ARL15: variants seen among roughly 807,000 people sequenced by gnomAD.
ARL15 encodes ADP-ribosylation factor-like protein 15.
ARL15 carries 19 observed loss-of-function variants against 25.2 expected under a neutral mutation model. That is an observed-to-expected ratio of 0.75 (90% CI 0.53 to 1.10). The LOEUF is 1.10. Among genes scored for constraint, ARL15 ranks in the 50% least tolerant of loss-of-function variants. ARL15 has a pLI of 0.00. For synonymous variants in ARL15, 94 were observed against 86.8 expected (o/e 1.08, Z -0.46); for missense variants, 220 against 246.0 (o/e 0.89, Z 0.71).
At chr5:53,887,521 G>A (rs1412552182) in intron 4 of ARL15, 1 of 590,612 alleles carries the variant, frequency 1.7e-6, no homozygotes, top group African/African-American at 1.9e-5. Flanking sequence ...TCCTGGCTGT[G>A]AATAAATAGC....
intron 4 of ARL15, among the ~76,000 whole-genome samples, chr5:54,021,573 C>A (rs568914519): frequency 1.3e-5 from 2 of 152,038 alleles, no homozygotes; most frequent in Non-Finnish European, 1.5e-5. Flanking sequence ...AGAAATTACT[C>A]AATCTGAACA....
intron 4 of ARL15, among the ~76,000 whole-genome samples, chr5:54,101,253 T>C (rs1752429673): frequency 1.3e-5 from 2 of 152,074 alleles, no homozygotes; most frequent in South Asian, 4.1e-4. Flanking sequence ...ATAACATATA[T>C]TTTTCAGTTC....
chr5:54,077,959 G>T (rs1437975238), intron 4 of ARL15, among the ~76,000 whole-genome samples: 4 of 152,160 alleles, frequency 2.6e-5, no homozygotes, highest in Non-Finnish European at 5.9e-5. Flanking sequence ...GGAAAGATGT[G>T]TGATGACAAT....
chr5:54,203,050 A>G (rs1459678162), intron 1 of ARL15, among the ~76,000 whole-genome samples: 1 of 152,132 alleles, frequency 6.6e-6, no homozygotes, highest in African/African-American at 2.4e-5. Context: ...ATGTACTTAT[A>G]TAAAGCTCCC....
chr5:54,030,202 G>C (rs892692034), intron 4 of ARL15, among the ~76,000 whole-genome samples: 10 of 152,028 alleles, frequency 6.6e-5, no homozygotes, highest in Admixed American at 5.9e-4. Context: ...AGTGAGTCAG[G>C]ATATAAGTGG....
chr5:54,103,538 C>T (rs1037591168), intron 4 of ARL15, among the ~76,000 whole-genome samples: 11 of 151,908 alleles, frequency 7.2e-5, no homozygotes, highest in African/African-American at 2.7e-4. Flanking sequence ...ACTGTAGATA[C>T]CAATAAACAA....
At chr5:54,071,979 G>GAAAAAAAAAAAAAAAAAAAA (rs71989027) in intron 4 of ARL15, among the ~76,000 whole-genome samples, 9 of 126,172 alleles carry the variant, frequency 7.1e-5, no homozygotes, top group Middle Eastern at 4.2e-3. Context: ...CTCAAAAAAA[G>GAAAAAAAAAAAAAAAAAAAA]AAAAAAAAAA....
At chr5:53,977,143 G>C (rs547825323) in intron 4 of ARL15, among the ~76,000 whole-genome samples, 189 of 152,178 alleles carry the variant, frequency 1.2e-3, no homozygotes, top group African/African-American at 4.2e-3. Flanking sequence ...CGGATCACAA[G>C]GTCAGGAGAT....
chr5:53,951,639 T>C (rs1450826317), intron 4 of ARL15: 1 of 428,538 alleles, frequency 2.3e-6, no homozygotes, highest in Non-Finnish European at 4.7e-6. Context: ...TATATACTCC[T>C]TCCCTATATA....
rs10044530 is a variant in ARL15 at position 54,043,396 on chromosome 5, T to C, written c.462+69806A>G. ...ATGGTAGTCACTGGTTTTCAACCTG[T>C]AATCTTTGACATTCTAGGATTCTGC... is the stretch of plus-strand genomic sequence containing the variant. On this transcript the variant is annotated intron_variant, in intron 4 of 4. Transcript: ENST00000504924. Among the ~76,000 whole-genome samples the C allele has an allele frequency of 8.3e-3, 1,267 of 152,312 alleles. 24 individuals are homozygous for C. Among genetic ancestry groups the C allele is most frequent in the African/African-American group, 0.029 (1,211 of 41,558 alleles).
chr5:54,230,054 G>C (rs1007861775), intron 1 of ARL15, among the ~76,000 whole-genome samples: 2 of 152,012 alleles, frequency 1.3e-5, no homozygotes, highest in African/African-American at 4.8e-5. Flanking sequence ...ACTCTACATT[G>C]CCCAAAAAAC....
chr5:54,286,252 T>C (rs1758177901), intron 1 of ARL15: 1 of 152,160 alleles, frequency 6.6e-6, no homozygotes, highest in African/African-American at 2.4e-5. Flanking sequence ...AAGAGAAACA[T>C]TTGCAATCTA....
Position 54,310,540 on chromosome 5 carries a change from C to G in ARL15, c.-61G>C. ...CGGAAAAAAAAAGCAGCGTCTCTGG[C>G]TGCGAGCGAGCAGCTCCTGAAAAAG... On this transcript the variant is annotated 5_prime_UTR_variant, in exon 1 of 5. Coordinates refer to ENST00000504924, the MANE Select transcript of ARL15 (RefSeq NM_019087.3). 6.5e-7 allele frequency: 1 copy of G among 1,541,718 alleles called. No homozygotes were observed. The highest frequency in any genetic ancestry group is 8.8e-7 in the Non-Finnish European group (1 of 1,140,240).
At chr5:53,898,751 C>T (rs747676563) in intron 4 of ARL15, among the ~76,000 whole-genome samples, 1 of 151,826 alleles carries the variant, frequency 6.6e-6, no homozygotes, top group Non-Finnish European at 1.5e-5. Context: ...GCTCAGGTAG[C>T]CTGGAACCTT....
chr5:54,256,980 C>T (rs550656194), intron 1 of ARL15, among the ~76,000 whole-genome samples: 1 of 152,302 alleles, frequency 6.6e-6, no homozygotes, highest in African/African-American at 2.4e-5. Context: ...CCACAGCCAA[C>T]ATCATACTGA....
Position 53,886,679 on chromosome 5 carries a change from C to T in ARL15, c.497G>A (p.Arg166His), listed in dbSNP as rs369214411. ...KKYFELEPLA[R>H]GKRWILQPCS... is the part of the protein sequence containing the mutation. ...GGGCTGTAGAATCCAGCGTTTTCCA[C>T]GTGCAAGTGGTTCAAGTTCAAAATA... is the stretch of plus-strand genomic sequence containing the variant. Residue 166 changes from arginine (R) to histidine (H), a missense_variant, in exon 5 of 5, where the codon CGT (arginine) becomes CAT (histidine). Physicochemically the swap from Arg to His is conservative, Grantham distance 29. Transcript: ENST00000504924. 19 of 1,571,418 alleles carry T rather than the reference C, an allele frequency of 1.2e-5. No individual in the cohort carries two copies. Among genetic ancestry groups the T allele is most frequent in the Admixed American group, 7.4e-5 (4 of 53,842 alleles).
chr5:54,196,003 T>C (rs182221058), intron 1 of ARL15, among the ~76,000 whole-genome samples: 1 of 152,206 alleles, frequency 6.6e-6, no homozygotes, highest in East Asian at 1.9e-4. Context: ...AACCTGTGAA[T>C]ATGCTAGGAC....
At chr5:53,941,828 A>G (rs1746548830) in intron 4 of ARL15, among the ~76,000 whole-genome samples, 1 of 151,498 alleles carries the variant, frequency 6.6e-6, no homozygotes, top group Non-Finnish European at 1.5e-5. Context: ...TAGAGGGCCC[A>G]CCTCTCTACA....
intron 1 of ARL15, among the ~76,000 whole-genome samples, chr5:54,273,707 A>C (rs1757850444): frequency 6.6e-6 from 1 of 152,162 alleles, no homozygotes; most frequent in South Asian, 2.1e-4. Flanking sequence ...CCTTCTTCAA[A>C]AGATTATACC....
Sources: gnomAD v4.1 joint callset for allele counts (sites outside exome capture counted in the v4.1 genomes callset) on GRCh38, gnomAD v4.1.1 for gene constraint, MANE v1.5 for transcripts, NCBI Gene and HGNC (gene_info 2026-07-23, HGNC 2026-07-21) for gene names.